Variants in STK11 observed in about 807,000 individuals in gnomAD.
The protein encoded by STK11 is serine/threonine kinase 11, also known as serine/threonine-protein kinase STK11.
A neutral mutation model predicts 47.3 loss-of-function variants in STK11; 8 were observed. The ratio of observed to expected loss-of-function variants is 0.17; its 90% CI spans 0.10 to 0.31. The LOEUF is 0.31. Ranked by LOEUF, STK11 falls within the 10% of genes least tolerant of loss-of-function variation. The pLI is 1.00. For missense variants in STK11, 475 were observed against 605.0 expected (o/e 0.79, Z 2.25); for synonymous variants, 330 against 255.8 (o/e 1.29, Z -2.77).
intron 1 of STK11, among the ~76,000 whole-genome samples, chr19:1,213,506 C>A (rs777592324): frequency 6.6e-6 from 1 of 152,222 alleles, no homozygotes; most frequent in Admixed American, 6.5e-5. Context: ...ACATTTCACA[C>A]GAGTGGTGTC....
chr19:1,207,306 A>C, intron 1 of STK11, 103 bp downstream of exon 1: 1 of 1,444,782 alleles, frequency 6.9e-7, no homozygotes, highest in Non-Finnish European at 9.3e-7. Flanking sequence ...ACTTCCTCTT[A>C]ACACCCTGAG....
At position 1,227,757 on chromosome 19, in the gene STK11, G is replaced by T; in HGVS notation, c.*181G>T. 1 of 1,073,566 alleles carries T rather than the reference G, an allele frequency of 9.3e-7. No homozygotes were observed. The highest frequency in any genetic ancestry group is 1.6e-5 in the African/African-American group (1 of 61,250). 66.5% of individuals were successfully genotyped at this position (1,073,566 alleles called of 1,614,324 possible). ...GGCAGGGGGACAGCAGGGACCGGGC[G>T]CAGCCCTCCCCCCTCGGCCGCCCGG... On this transcript the variant is annotated 3_prime_UTR_variant, in exon 10 of 10. Coordinates refer to ENST00000326873, the MANE Select transcript of STK11 (RefSeq NM_000455.5).
At chr19:1,222,359 C>T (rs1238631339) in intron 7 of STK11, among the ~76,000 whole-genome samples, 1 of 152,198 alleles carries the variant, frequency 6.6e-6, no homozygotes, top group Admixed American at 6.5e-5. Flanking sequence ...GGCTGGGATC[C>T]AGCCCAGGGC....
chr19:1,211,421 G>A (rs895949014), intron 1 of STK11, among the ~76,000 whole-genome samples: 2 of 151,902 alleles, frequency 1.3e-5, no homozygotes, highest in South Asian at 4.2e-4. Context: ...TCGGGGGACA[G>A]CACGGCTAGC....
chr19:1,227,894 G>C lies in STK11; in HGVS notation c.*318G>C. 1.9e-6 allele frequency: 2 copies of C among 1,069,402 alleles called. No individual in the cohort carries two copies. The highest frequency in any genetic ancestry group is 4.2e-4 in the Middle Eastern group (1 of 2,398). 66.2% of individuals were successfully genotyped at this position (1,069,402 alleles called of 1,614,324 possible). Reference sequence around the variant, plus strand: ...TATGTGGAGACTACTGGCCCCGCCCGTGGCCTCGTGCTCCGCAGGGCGCCC... The same window carrying C: ...TATGTGGAGACTACTGGCCCCGCCCCTGGCCTCGTGCTCCGCAGGGCGCCC... On this transcript the variant is annotated 3_prime_UTR_variant, in exon 10 of 10. Coordinates refer to ENST00000326873, the MANE Select transcript of STK11 (RefSeq NM_000455.5).
In STK11 at chr19:1,226,506, C is replaced by T. The variant is rs1427783283; in HGVS notation, c.1161C>T (p.Pro387=). 6.2e-7 allele frequency: 1 copy of T among 1,610,820 alleles called. No homozygotes were observed. The highest frequency in any genetic ancestry group is 8.5e-7 in the Non-Finnish European group (1 of 1,179,180). ...ASHNGQRRGL[P]KAVCMNGTEA... is the part of the protein sequence containing the mutation. ...ACAATGGACAGCGCCGGGGCCTCCCCAAGGCCGTGTGTATGAACGGCACAG... is the reference window on the plus strand; with the variant it reads ...ACAATGGACAGCGCCGGGGCCTCCCTAAGGCCGTGTGTATGAACGGCACAG... The change falls in exon 9 of 10, where the codon CCC becomes CCT. Residue 387 remains proline (P), a synonymous_variant. Transcript: ENST00000326873.
rs1354586362 is a variant in STK11 at position 1,207,198 on chromosome 19, G to T, written c.285G>T (p.Val95=). 3 of 1,602,364 alleles carry T rather than the reference G, an allele frequency of 1.9e-6. No homozygotes were observed. Among genetic ancestry groups the T allele is most frequent in the East Asian group, 2.2e-5 (1 of 44,452 alleles). ...LRRIPNGEAN[V]KKEIQLLRRL... Reference sequence around the variant, plus strand: ...GGATCCCCAACGGGGAGGCCAACGTGAAGAAGTAAGTATGGCTTGCTGGGG... The same window carrying T: ...GGATCCCCAACGGGGAGGCCAACGTTAAGAAGTAAGTATGGCTTGCTGGGG... The change falls in exon 1 of 10, where the codon GTG becomes GTT. Residue 95 remains valine (V), a synonymous_variant. Transcript: ENST00000326873.
intron 7 of STK11, among the ~76,000 whole-genome samples, chr19:1,222,500 C>T (rs1011040570): frequency 6.6e-6 from 1 of 152,216 alleles, no homozygotes; most frequent in Non-Finnish European, 1.5e-5. Flanking sequence ...CTGCTGGAGC[C>T]CCTCCGAGCC....
chr19:1,225,174 C>T, intron 8 of STK11: 1 of 985,486 alleles, frequency 1.0e-6, no homozygotes, highest in East Asian at 1.1e-4. Flanking sequence ...TGATGCAGAG[C>T]TGGGGCACCT....
At chr19:1,216,530 A>T (rs1340193083) in intron 1 of STK11, 1 of 151,830 alleles carries the variant, frequency 6.6e-6, no homozygotes, top group Non-Finnish European at 1.5e-5. Flanking sequence ...CAGTGAGCTG[A>T]GATCATGCCA....
Position 1,228,127 on chromosome 19 carries a change from T to A in STK11, c.*551T>A. The A allele has an allele frequency of 9.4e-7, 1 of 1,064,488 alleles. No individual in the cohort carries two copies. The allele number at this position is 1,064,488 out of a possible 1,614,324, so 65.9% of individuals were successfully genotyped here. ...GCTGTGAGGGGTGTTTGGGAGCTGC[T>A]GGGTGGCAGGGGGGCTGTGGGGTCG... On this transcript the variant is annotated 3_prime_UTR_variant, in exon 10 of 10. Transcript: ENST00000326873.
Position 1,226,534 on chromosome 19 carries a change from G to T in STK11, c.1189G>T (p.Ala397Ser), listed in dbSNP as rs587780008. Residue 397 changes from alanine to serine, a missense_variant, in exon 9 of 10, where the codon GCG (alanine) becomes TCG (serine). Coordinates refer to ENST00000326873, the MANE Select transcript of STK11 (RefSeq NM_000455.5). ...PKAVCMNGTE[A>S]AQLSTKSRAE... ...GGCCGTGTGTATGAACGGCACAGAG[G>T]CGGCGCAGCTGAGCACCAAATCCAG... is the stretch of plus-strand genomic sequence containing the variant. 1.9e-5 allele frequency: 30 copies of T among 1,607,162 alleles called. No homozygotes were observed. The highest frequency in any genetic ancestry group is 4.0e-5 in the African/African-American group (3 of 74,820).
intron 9 of STK11, 42 bp from the exon 10 acceptor site, chr19:1,227,551 G>T: frequency 9.4e-7 from 1 of 1,062,632 alleles, no homozygotes; most frequent in South Asian, 4.5e-5. Flanking sequence ...GCGGAGAACC[G>T]GTGCCCAGGC....
chr19:1,226,908 C>T (rs567916500), intron 9 of STK11: 15 of 509,584 alleles, frequency 2.9e-5, no homozygotes, highest in Non-Finnish European at 4.7e-5. Flanking sequence ...GGGGGGCGTG[C>T]CGTCCTCACA....
chr19:1,225,616 T>G, intron 8 of STK11: 1 of 985,250 alleles, frequency 1.0e-6, no homozygotes, highest in Non-Finnish European at 1.2e-6. Flanking sequence ...ATGGGGTGGG[T>G]GTGTGGCAAG....
chr19:1,216,688 C>T (rs1470866964), intron 1 of STK11, among the ~76,000 whole-genome samples: 2 of 151,404 alleles, frequency 1.3e-5, no homozygotes, highest in African/African-American at 2.4e-5. Context: ...CTGGGCAGCA[C>T]GGTGAAACTG....
At chr19:1,214,479 C>T (rs756211543) in intron 1 of STK11, among the ~76,000 whole-genome samples, 1 of 152,180 alleles carries the variant, frequency 6.6e-6, no homozygotes, top group Non-Finnish European at 1.5e-5. Context: ...AGGGCGCCTT[C>T]GGTGAGGGCG....
intron 1 of STK11, 125 bp downstream of exon 1, chr19:1,207,328 T>TGGCACGGAGGACACA: frequency 7.7e-7 from 1 of 1,306,698 alleles, no homozygotes; most frequent in Non-Finnish European, 1.0e-6. Context: ...TGGACCCGTC[T>TGGCACGGAGGACACA]GGCGCCTGTG....
intron 8 of STK11, chr19:1,225,354 C>T (rs187623231): frequency 3.3e-6 from 3 of 917,092 alleles, no homozygotes; most frequent in Non-Finnish European, 3.9e-6. Context: ...CTCACTGCAA[C>T]CTCCACCTCC....
Sources: allele counts gnomAD v4.1 joint callset (sites outside exome capture counted in the v4.1 genomes callset), GRCh38; gene constraint gnomAD v4.1.1; transcripts MANE v1.5; gene names NCBI Gene and HGNC (gene_info 2026-07-23, HGNC 2026-07-21).